The following RRAS2 variants were observed in gnomAD, a reference collection of about 807,000 sequenced individuals.
RRAS2 encodes the protein ras-related protein R-Ras2.
Under a neutral mutation model 27.6 loss-of-function variants are expected in RRAS2, and 7 were observed. That is an observed-to-expected ratio of 0.25 (90% confidence interval 0.14 to 0.48). RRAS2 has a LOEUF of 0.48. RRAS2 is among the 20% of genes least tolerant of loss of function. The probability of loss-of-function intolerance (pLI) is 0.99; values close to 1 mark genes in which losing one functional copy is unlikely to be tolerated. For missense variants in RRAS2, 178 were observed against 256.2 expected (o/e 0.69, Z 2.08); for synonymous variants, 86 against 90.9 (o/e 0.95, Z 0.31).
chr11:14,362,451 A>AC (rs1554956249), upstream of RRAS2, among the ~76,000 whole-genome samples: 1 of 146,236 alleles, frequency 6.8e-6, no homozygotes, highest in African/African-American at 2.8e-5. Context: ...CTTAGAAAAT[A>AC]CCCCCAAAAG....
At chr11:14,347,097 A>C (rs781910042) in intron 1 of RRAS2, among the ~76,000 whole-genome samples, 1 of 152,190 alleles carries the variant, frequency 6.6e-6, no homozygotes, top group African/African-American at 2.4e-5. Context: ...AGGAGTTTCA[A>C]TGTTGCAGTA....
chr11:14,294,215 C>T (rs1847487500), intron 4 of RRAS2, among the ~76,000 whole-genome samples: 1 of 152,130 alleles, frequency 6.6e-6, no homozygotes, highest in South Asian at 2.1e-4. Flanking sequence ...CACTTGCAGG[C>T]TTATAAAGTC....
intron 1 of RRAS2, among the ~76,000 whole-genome samples, chr11:14,311,730 A>G (rs943798670): frequency 2.2e-4 from 33 of 152,242 alleles, no homozygotes; most frequent in African/African-American, 7.0e-4. Flanking sequence ...AATTATTTCA[A>G]TAATATATTT....
At chr11:14,355,206 C>G (rs1849047143) in intron 1 of RRAS2, among the ~76,000 whole-genome samples, 1 of 149,940 alleles carries the variant, frequency 6.7e-6, no homozygotes, top group South Asian at 2.1e-4. Flanking sequence ...GAAATTTGTT[C>G]AACCAAACCC....
chr11:14,311,602 G>A (rs1480259228), intron 1 of RRAS2, among the ~76,000 whole-genome samples: 2 of 151,738 alleles, frequency 1.3e-5, no homozygotes, highest in African/African-American at 4.8e-5. Flanking sequence ...CCTGATCTCG[G>A]GTGATCCGCC....
rs1399533172 is a variant in RRAS2, at chr11:14,323,624, T to A, written c.109-27769A>T. Among the ~76,000 whole-genome samples, 7 of 151,890 alleles carry A rather than the reference T, an allele frequency of 4.6e-5. No homozygotes were observed. The South Asian group carries it at 1.5e-3, about 32-fold the overall frequency. ...TTTCAGGAAACAAGTAAATCCAGTA[T>A]CACACAAATTCTTCCAGAGAATAGA... On this transcript the variant is annotated intron_variant, in intron 1 of 5. Coordinates refer to ENST00000256196, the MANE Select transcript of RRAS2 (RefSeq NM_012250.6).
chr11:14,295,908 T>C (rs1554946552), intron 1 of RRAS2, 53 bp from the exon 2 acceptor site: 2 of 1,525,470 alleles, frequency 1.3e-6, no homozygotes, highest in African/African-American at 2.7e-5. Context: ...GCATGGTAGC[T>C]CACACCTGTA....
intron 1 of RRAS2, among the ~76,000 whole-genome samples, chr11:14,331,131 T>C (rs1216052812): frequency 6.6e-6 from 1 of 152,156 alleles, no homozygotes; most frequent in African/African-American, 2.4e-5. Flanking sequence ...TGGGAGAATA[T>C]GAAGATGAAC....
intron 4 of RRAS2, among the ~76,000 whole-genome samples, chr11:14,294,250 T>C (rs1357160026): frequency 6.6e-6 from 1 of 152,224 alleles, no homozygotes; most frequent in Non-Finnish European, 1.5e-5. Flanking sequence ...GAAAAACTAT[T>C]TGAAAATAAG....
intron 1 of RRAS2, among the ~76,000 whole-genome samples, chr11:14,350,683 G>T (rs1440992253): frequency 6.6e-6 from 1 of 151,470 alleles, no homozygotes; most frequent in Admixed American, 6.6e-5. Flanking sequence ...CTAAACTAAC[G>T]ATAGCTGACG....
intron 1 of RRAS2, among the ~76,000 whole-genome samples, chr11:14,350,465 G>C (rs1848925887): frequency 6.6e-6 from 1 of 151,906 alleles, no homozygotes; most frequent in Non-Finnish European, 1.5e-5. Flanking sequence ...TTCATCTTCT[G>C]TCATGAATGG....
chr11:14,307,411 A>G (rs1395683578), intron 1 of RRAS2, among the ~76,000 whole-genome samples: 3 of 152,052 alleles, frequency 2.0e-5, no homozygotes, highest in African/African-American at 7.2e-5. Context: ...TTGAGACAGA[A>G]TATCTCATTT....
chr11:14,279,278 G>C lies in RRAS2; in HGVS notation c.*59C>G, dbSNP rs1159620250. ...AAGGTACCAACAAGATGTAAACTGA[G>C]GAGAGAAAGAGAAGATGAGGGCTTT... is the stretch of plus-strand genomic sequence containing the variant. On this transcript the variant is annotated 3_prime_UTR_variant, in exon 6 of 6. Coordinates refer to ENST00000256196, the MANE Select transcript of RRAS2 (RefSeq NM_012250.6). 1.9e-5 allele frequency: 22 copies of C among 1,173,620 alleles called. No homozygotes were observed. Among genetic ancestry groups the C allele is most frequent in the Non-Finnish European group, 2.6e-5 (20 of 779,382 alleles). 72.7% of individuals were successfully genotyped at this position (1,173,620 alleles called of 1,614,324 possible). A position where few individuals can be genotyped will look rare whatever the true frequency, so the allele number is the denominator to read the frequency against.
At chr11:14,293,502 A>G (rs184597881) in intron 4 of RRAS2, among the ~76,000 whole-genome samples, 2 of 152,086 alleles carry the variant, frequency 1.3e-5, no homozygotes, top group East Asian at 3.9e-4. Flanking sequence ...TGCAGTTCCC[A>G]TAACCCCCAC....
At chr11:14,301,926 T>C (rs1554947457) in intron 1 of RRAS2, among the ~76,000 whole-genome samples, 1 of 152,134 alleles carries the variant, frequency 6.6e-6, no homozygotes, top group African/African-American at 2.4e-5. Context: ...GAGGTTGCAG[T>C]AAGCCAAGAT....
rs782373186 is a variant in RRAS2, at chr11:14,341,799, C to T, written c.108+16964G>A. On this transcript the variant is annotated intron_variant, in intron 1 of 5. Transcript: ENST00000256196. ...AAAATGTTATGAAAAAATATAAATACGCATACTCACCTCCCGACTTAGGAA... is the reference window on the plus strand; with the variant it reads ...AAAATGTTATGAAAAAATATAAATATGCATACTCACCTCCCGACTTAGGAA... 20 of 454,198 alleles carry T rather than the reference C, an allele frequency of 4.4e-5. No homozygotes were observed. The East Asian group carries it at 7.6e-4, about 17-fold the overall frequency. 28.1% of individuals were successfully genotyped at this position (454,198 alleles called of 1,614,324 possible). A position where few individuals can be genotyped will look rare whatever the true frequency, so the allele number is the denominator to read the frequency against.
intron 5 of RRAS2, among the ~76,000 whole-genome samples, chr11:14,281,041 C>T (rs1210133409): frequency 1.3e-5 from 2 of 152,180 alleles, no homozygotes; most frequent in East Asian, 3.9e-4. Context: ...TTATACTTCA[C>T]ACCTTACAGG....
chr11:14,364,254 C>T, intron 1 of RRAS2: 1 of 814,208 alleles, frequency 1.2e-6, no homozygotes, highest in Non-Finnish European at 2.0e-6. Flanking sequence ...ATCCCAGAGA[C>T]AGGATCTGAG....
intron 1 of RRAS2, among the ~76,000 whole-genome samples, chr11:14,317,821 G>C (rs1348561616): frequency 6.6e-6 from 1 of 152,170 alleles, no homozygotes; most frequent in Non-Finnish European, 1.5e-5. Context: ...ATCTCAGCAA[G>C]TCAGGAAGCC....
Sources: gnomAD v4.1 joint callset for allele counts (sites outside exome capture counted in the v4.1 genomes callset) on GRCh38, gnomAD v4.1.1 for gene constraint, MANE v1.5 for transcripts, NCBI Gene and HGNC (gene_info 2026-07-23, HGNC 2026-07-21) for gene names.